PCDHGB7: variants seen among roughly 807,000 people sequenced by gnomAD.
The protein encoded by PCDHGB7 is protocadherin gamma-B7.
A neutral mutation model predicts 61.4 loss-of-function variants in PCDHGB7; 37 were observed. The observed-to-expected ratio is 0.60, with a 90% CI of 0.46 to 0.79. The LOEUF (loss-of-function observed/expected upper bound fraction) is 0.79. Among genes scored for constraint, PCDHGB7 ranks in the 30% least tolerant of loss-of-function variants. The pLI, the probability that PCDHGB7 is intolerant of heterozygous loss-of-function variation, is 0.00. For synonymous variants in PCDHGB7, 464 were observed against 503.5 expected (o/e 0.92, Z 1.05); for missense variants, 1,166 against 1,202.5 (o/e 0.97, Z 0.45).
At chr5:141,423,749 T>TTG (rs1249843775) in intron 1 of PCDHGB7, 127 of 272,264 alleles carry the variant, frequency 4.7e-4, no homozygotes, top group South Asian at 6.4e-4. Context: ...TGAAAACTGT[T>TTG]TGGGGGGGGG....
chr5:141,422,997 C>G, intron 1 of PCDHGB7: 1 of 1,614,218 alleles, frequency 6.2e-7, no homozygotes, highest in South Asian at 1.1e-5. Flanking sequence ...ACCTGGTGAC[C>G]AAGGTGGTTG....
chr5:141,439,445 G>T (rs1030957687), intron 1 of PCDHGB7, among the ~76,000 whole-genome samples: 1 of 152,102 alleles, frequency 6.6e-6, no homozygotes, highest in Non-Finnish European at 1.5e-5. Context: ...ATTTTATTGC[G>T]GGAGCAAGAC....
chr5:141,459,068 A>G (rs1278498678), intron 1 of PCDHGB7, among the ~76,000 whole-genome samples: 1 of 152,226 alleles, frequency 6.6e-6, no homozygotes, highest in African/African-American at 2.4e-5. Flanking sequence ...TATATAACAT[A>G]AAATTTGCCT....
chr5:141,488,131 G>A (rs2099672034), intron 1 of PCDHGB7, among the ~76,000 whole-genome samples: 1 of 152,202 alleles, frequency 6.6e-6, no homozygotes, highest in Non-Finnish European at 1.5e-5. Context: ...GCAGAAAGAG[G>A]AGAGAACTAA....
At position 141,477,866 on chromosome 5, in the gene PCDHGB7, A is replaced by G; in HGVS notation, c.2416-16941A>G. ...CTCGGTGGAGATGCTGCCTCGAGGT[A>G]CCTCAGCTGGCCACCTAGTGTCACG... On this transcript the variant is annotated intron_variant, in intron 1 of 3. Coordinates refer to ENST00000398594, the MANE Select transcript of PCDHGB7 (RefSeq NM_018927.4). This position sits in a 1 kb window ranked among gnomAD's most constrained non-coding sequence, Gnocchi z 4.9. 1 of 1,614,072 alleles carries G rather than the reference A, an allele frequency of 6.2e-7. No homozygotes were observed. Among genetic ancestry groups the G allele is most frequent in the Non-Finnish European group, 8.5e-7 (1 of 1,179,988 alleles).
At chr5:141,480,240 C>CA (rs11374694) in intron 1 of PCDHGB7, among the ~76,000 whole-genome samples, 21,591 of 113,808 alleles carry the variant, frequency 0.19, 1,578 homozygotes, top group Admixed American at 0.21. Context: ...CCTGTCTCTA[C>CA]AAAAAAAAAA....
intron 3 of PCDHGB7, among the ~76,000 whole-genome samples, chr5:141,505,995 C>T (rs1041284805): frequency 5.3e-5 from 8 of 152,142 alleles, no homozygotes; most frequent in African/African-American, 1.4e-4. Flanking sequence ...CCTCTTTATG[C>T]GAGGCTCCTC....
chr5:141,437,756 T>A (rs1208576922), intron 1 of PCDHGB7, among the ~76,000 whole-genome samples: 1 of 151,718 alleles, frequency 6.6e-6, no homozygotes, highest in Non-Finnish European at 1.5e-5. Flanking sequence ...TTTTTTTTTT[T>A]GAGACAGAGT....
At chr5:141,495,065 T>C (rs1413025171) in intron 2 of PCDHGB7, among the ~76,000 whole-genome samples, 200 bp downstream of exon 2, 1 of 152,148 alleles carries the variant, frequency 6.6e-6, no homozygotes, top group Admixed American at 6.5e-5. Flanking sequence ...TTCAGGAAGC[T>C]CAATTCACAT....
chr5:141,503,616 A>G (rs1260134621), intron 2 of PCDHGB7, among the ~76,000 whole-genome samples: 2 of 150,944 alleles, frequency 1.3e-5, no homozygotes, highest in African/African-American at 2.4e-5. Context: ...AAAAAAAAAG[A>G]AAAAAGAAAA....
At chr5:141,507,016 G>C (rs913170594) in intron 3 of PCDHGB7, 1 of 152,166 alleles carries the variant, frequency 6.6e-6, no homozygotes, top group African/African-American at 2.4e-5. Context: ...AACCGAGAAG[G>C]CACTTGCCCC....
chr5:141,424,082 C>T (rs2096798510), intron 1 of PCDHGB7: 2 of 957,226 alleles, frequency 2.1e-6, no homozygotes, highest in East Asian at 1.1e-4. Flanking sequence ...TTATATTCCA[C>T]CATTATTTGC....
Position 141,490,241 on chromosome 5 carries a change from G to T in PCDHGB7, c.2416-4566G>T. 2 of 1,614,246 alleles carry T rather than the reference G, an allele frequency of 1.2e-6. No individual in the cohort carries two copies. Among genetic ancestry groups the T allele is most frequent in the Non-Finnish European group, 1.7e-6 (2 of 1,180,048 alleles). On this transcript the variant is annotated intron_variant, in intron 1 of 3. Transcript: ENST00000398594. This position sits in a 1 kb window ranked among gnomAD's most constrained non-coding sequence, Gnocchi z 5.4. Reference sequence around the variant, plus strand: ...GGACAGCCTGCCATGGAGGGCCACTGTGTGATTCAAGTGGATGTGGGGGAT... The same window carrying T: ...GGACAGCCTGCCATGGAGGGCCACTTTGTGATTCAAGTGGATGTGGGGGAT...
chr5:141,471,568 A>G (rs947450908), intron 1 of PCDHGB7: 3 of 152,214 alleles, frequency 2.0e-5, no homozygotes, highest in Non-Finnish European at 2.9e-5. Context: ...CAGGGGTAGC[A>G]GTAGATAGGG....
chr5:141,419,407 G>A lies in PCDHGB7; in HGVS notation c.1548G>A (p.Ala516=), dbSNP rs1426208057. 1.2e-5 allele frequency: 20 copies of A among 1,613,396 alleles called. No homozygotes were observed. The highest frequency in any genetic ancestry group is 1.4e-5 in the Non-Finnish European group (17 of 1,179,900). Residue 516 remains alanine, a synonymous_variant, in exon 1 of 4, where the codon GCG becomes GCA. Coordinates refer to ENST00000398594, the MANE Select transcript of PCDHGB7 (RefSeq NM_018927.4). ...SVSAQSGVVF[A]QRAFDHEQLR... ...GCGCGCAGAGCGGGGTGGTGTTCGC[G>A]CAGCGCGCCTTCGACCACGAGCAGC...
rs1440733700 is a variant in PCDHGB7 at position 141,441,803 on chromosome 5, G to A, written c.2415+21529G>A. 249 of 383,164 alleles carry A rather than the reference G, an allele frequency of 6.5e-4. 2 individuals carry two copies. Among genetic ancestry groups the A allele is most frequent in the African/African-American group, 4.8e-3 (220 of 45,902 alleles). The allele number at this position is 383,164 out of a possible 1,614,324, so 23.7% of individuals were successfully genotyped here. The stretch of plus-strand genomic sequence containing the variant: ...ACCTGAATGACAACGCACCGCGGGT[G>A]CTGTACCCCAGCTCTGGAGCGCAAT... On this transcript the variant is annotated intron_variant, in intron 1 of 3. Coordinates refer to ENST00000398594, the MANE Select transcript of PCDHGB7 (RefSeq NM_018927.4).
chr5:141,489,467 C>G lies in PCDHGB7; in HGVS notation c.2416-5340C>G. 1 of 1,614,076 alleles carries G rather than the reference C, an allele frequency of 6.2e-7. No individual in the cohort carries two copies. The highest frequency in any genetic ancestry group is 8.5e-7 in the Non-Finnish European group (1 of 1,180,026). Reference sequence around the variant, plus strand: ...TCTGAGGAGAATGGGCGCTATTTTTCCCTGAGCTTGATGAGTGGTGCCCTG... The same window carrying G: ...TCTGAGGAGAATGGGCGCTATTTTTGCCTGAGCTTGATGAGTGGTGCCCTG... On this transcript the variant is annotated intron_variant, in intron 1 of 3. Transcript: ENST00000398594. The surrounding 1 kb of genome is among the most constrained non-coding windows in gnomAD (Gnocchi z 4.5).
chr5:141,509,046 C>T (rs1442220429), intron 3 of PCDHGB7, among the ~76,000 whole-genome samples: 1 of 152,160 alleles, frequency 6.6e-6, no homozygotes, highest in Non-Finnish European at 1.5e-5. Flanking sequence ...CTCTCCCCCG[C>T]CCCCAGAAAG....
At chr5:141,434,536 T>C (rs1037347477) in intron 1 of PCDHGB7, among the ~76,000 whole-genome samples, 7 of 152,186 alleles carry the variant, frequency 4.6e-5, no homozygotes, top group Non-Finnish European at 8.8e-5. Context: ...CCACAAACAA[T>C]AGCATGAGTG....
Sources: gnomAD v4.1 joint callset for allele counts (sites outside exome capture counted in the v4.1 genomes callset) on GRCh38, gnomAD v4.1.1 for gene constraint, Gnocchi (gnomAD v3.1) non-coding constraint, MANE v1.5 for transcripts, NCBI Gene and HGNC (gene_info 2026-07-23, HGNC 2026-07-21) for gene names.